Variants in RYR2 observed in about 807,000 individuals in gnomAD.
RYR2 encodes the protein cardiac muscle ryanodine receptor-calcium release channel.
In RYR2, 227 loss-of-function variants were observed where a neutral mutation model predicts 601.1. The observed-to-expected ratio is 0.38, with a 90% confidence interval of 0.34 to 0.42. The LOEUF (loss-of-function observed/expected upper bound fraction) is 0.42. Ranked by LOEUF, RYR2 falls within the 10% of genes least tolerant of loss-of-function variation. The pLI is 1.00. For missense variants in RYR2, 4,646 were observed against 6,156.5 expected, an observed-to-expected ratio of 0.75 and a Z score of 8.21; for synonymous variants, 2,223 against 2,175.1, an observed-to-expected ratio of 1.02 and a Z score of -0.61.
At chr1:237,251,028 ATGTGTG>A (rs3056167) in intron 1 of RYR2, among the ~76,000 whole-genome samples, 8,118 of 139,234 alleles carry the variant, frequency 0.058, 233 homozygotes, top group African/African-American at 0.077. Flanking sequence ...TCCCCAACAG[ATGTGTG>A]TGTGTGTGTG....
rs1180046203 is a variant in RYR2 at position 237,735,465 on chromosome 1, A to G, written c.11091+1709A>G. 2.0e-5 allele frequency among the ~76,000 whole-genome samples: 3 copies of G among 152,304 alleles called. No individual in the cohort carries two copies. In the East Asian group the frequency reaches 5.8e-4, roughly 29 times the overall value. On this transcript the variant is annotated intron_variant, in intron 79 of 104. Coordinates refer to ENST00000366574, the MANE Select transcript of RYR2 (RefSeq NM_001035.3). ...GGTGAGAAGGAGCCAACAGAATAGG[A>G]AAGGGAATCATTTGTGAAGTGAGGT...
intron 10 of RYR2, among the ~76,000 whole-genome samples, chr1:237,390,517 T>C (rs956491250): frequency 2.6e-5 from 4 of 152,134 alleles, no homozygotes; most frequent in African/African-American, 9.7e-5. Flanking sequence ...TTTATTGTTA[T>C]TATTTAGTCT....
At chr1:237,567,950 A>C (rs1474103172) in intron 28 of RYR2, among the ~76,000 whole-genome samples, 1 of 142,056 alleles carries the variant, frequency 7.0e-6, no homozygotes, top group African/African-American at 2.5e-5. Context: ...AAATAGAAAA[A>C]TTTAACACTT....
intron 100 of RYR2, among the ~76,000 whole-genome samples, chr1:237,815,749 T>C (rs898910666): frequency 1.2e-4 from 18 of 152,194 alleles, no homozygotes; most frequent in African/African-American, 4.1e-4. Context: ...CAACATTACA[T>C]GTCTAGAAAC....
chr1:237,752,972 A>G (rs891196831), intron 80 of RYR2, among the ~76,000 whole-genome samples: 2 of 152,198 alleles, frequency 1.3e-5, no homozygotes, highest in African/African-American at 4.8e-5. Context: ...TGTTGAAGTC[A>G]TGGAAATACA....
chr1:237,207,656 C>T (rs1432854740), intron 1 of RYR2, among the ~76,000 whole-genome samples: 1 of 152,164 alleles, frequency 6.6e-6, no homozygotes, highest in Admixed American at 6.5e-5. Flanking sequence ...GAATTCCCAG[C>T]CTCCAGAGCT....
intron 1 of RYR2, among the ~76,000 whole-genome samples, chr1:237,055,475 C>T (rs190908779): frequency 2.3e-3 from 345 of 152,064 alleles, no homozygotes; most frequent in African/African-American, 7.6e-3. Flanking sequence ...CAAGATAATT[C>T]GGGCCTAAAT....
chr1:237,696,440 C>T (rs988197085), intron 63 of RYR2, among the ~76,000 whole-genome samples: 2 of 152,084 alleles, frequency 1.3e-5, no homozygotes, highest in African/African-American at 4.8e-5. Flanking sequence ...TATATTCATG[C>T]TGGCTAGTTT....
chr1:237,125,283 A>G (rs892506231), intron 1 of RYR2, among the ~76,000 whole-genome samples: 4 of 152,114 alleles, frequency 2.6e-5, no homozygotes, highest in Admixed American at 2.6e-4. Flanking sequence ...GGGAGGGTTT[A>G]TAGGGAGTCC....
rs577560170 is a variant in RYR2, at chr1:237,226,635, A to G, written c.49-43862A>G. 1.6e-4 allele frequency among the ~76,000 whole-genome samples: 24 copies of G among 152,292 alleles called. No homozygotes were observed. The South Asian group carries it at 3.7e-3, about 24-fold the overall frequency. ...GGGTCACACTGGACTGCTAGTTGGC[A>G]TAGAGAGGAAGTGATTGGTGGTGAA... On this transcript the variant is annotated intron_variant, in intron 1 of 104. Transcript: ENST00000366574.
At chr1:237,510,516 T>TAAG (rs3835521) in intron 23 of RYR2, among the ~76,000 whole-genome samples, 34,226 of 152,028 alleles carry the variant, frequency 0.23, 4,281 homozygotes, top group African/African-American at 0.35. Context: ...TGCAATCAAA[T>TAAG]AAGTATATCT....
chr1:237,435,577 GAT>G (rs58437022), intron 12 of RYR2, among the ~76,000 whole-genome samples: 15,705 of 152,114 alleles, frequency 0.1, 2,131 homozygotes, highest in African/African-American at 0.31. Context: ...TTTTACAGAA[GAT>G]AGAGAAATTC....
chr1:237,283,144 C>G (rs1691080029), intron 2 of RYR2, among the ~76,000 whole-genome samples: 1 of 152,168 alleles, frequency 6.6e-6, no homozygotes, highest in Admixed American at 6.5e-5. Flanking sequence ...TGAAGGAAGT[C>G]TCTTCATTGT....
chr1:237,284,249 C>T (rs1291639320), intron 2 of RYR2, among the ~76,000 whole-genome samples: 4 of 150,766 alleles, frequency 2.7e-5, no homozygotes, highest in African/African-American at 4.9e-5. Context: ...GGCGTGGTCG[C>T]GGGCACCTGT....
At chr1:237,554,239 A>G (rs1243733963) in intron 27 of RYR2, among the ~76,000 whole-genome samples, 1 of 151,752 alleles carries the variant, frequency 6.6e-6, no homozygotes, top group African/African-American at 2.4e-5. Context: ...TTTTTTCCCC[A>G]TTTATTGAAC....
chr1:237,492,677 C>CA (rs1229024107), intron 18 of RYR2, among the ~76,000 whole-genome samples: 1 of 151,648 alleles, frequency 6.6e-6, no homozygotes, highest in South Asian at 2.1e-4. Context: ...CCTGTCTTTA[C>CA]AAAAAAAGAA....
chr1:237,314,846 A>T (rs185760671), intron 2 of RYR2, among the ~76,000 whole-genome samples: 7 of 152,330 alleles, frequency 4.6e-5, no homozygotes, highest in Admixed American at 4.6e-4. Flanking sequence ...CATTTACCAG[A>T]TTCATTCTTG....
intron 100 of RYR2, among the ~76,000 whole-genome samples, chr1:237,810,379 C>T (rs1661128690): frequency 6.6e-6 from 1 of 152,086 alleles, no homozygotes; most frequent in South Asian, 2.1e-4. Context: ...GACGCTCAGC[C>T]TCTGTCAAAG....
At chr1:237,382,177 T>C (rs1558721733) in intron 8 of RYR2, among the ~76,000 whole-genome samples, 1 of 152,220 alleles carries the variant, frequency 6.6e-6, no homozygotes, top group Non-Finnish European at 1.5e-5. Context: ...GATTTTCTAC[T>C]GATCAGGTTA....
Sources: gnomAD v4.1 joint callset for allele counts (sites outside exome capture counted in the v4.1 genomes callset) on GRCh38, gnomAD v4.1.1 for gene constraint, MANE v1.5 for transcripts, NCBI Gene and HGNC (gene_info 2026-07-23, HGNC 2026-07-21) for gene names.